LIPI: variants seen among roughly 807,000 people sequenced by gnomAD.
LIPI encodes the protein lipase I, also known as lipase member I.
Under a neutral mutation model 50.6 loss-of-function variants are expected in LIPI, and 59 were observed. The observed-to-expected ratio is 1.16, with a 90% CI of 0.94 to 1.45. The LOEUF is 1.45. Ranked by LOEUF, LIPI falls within the 40% of genes most tolerant of loss-of-function variation. LIPI has a pLI of 0.00. For missense variants in LIPI, 586 were observed against 536.3 expected, an observed-to-expected ratio of 1.09 and a Z score of -0.92; for synonymous variants, 203 against 178.2, an observed-to-expected ratio of 1.14 and a Z score of -1.11.
At chr21:14,206,786 A>G (rs540346397) in intron 1 of LIPI, 11 of 1,306,206 alleles carry the variant, frequency 8.4e-6, no homozygotes, top group African/African-American at 2.9e-5. Context: ...CATTTTATAT[A>G]TGAAGAAAGT....
At chr21:14,138,372 G>A (rs2017584984) in intron 9 of LIPI, among the ~76,000 whole-genome samples, 1 of 152,054 alleles carries the variant, frequency 6.6e-6, no homozygotes, top group Admixed American at 6.6e-5. Context: ...GTTCTTCAGT[G>A]AATAAGTGCT....
At chr21:14,176,788 C>T (rs1039752766) in intron 4 of LIPI, among the ~76,000 whole-genome samples, 5 of 135,992 alleles carry the variant, frequency 3.7e-5, no homozygotes, top group Admixed American at 7.4e-5. Context: ...TTTATTTATT[C>T]TTTTATTATT....
intron 1 of LIPI, among the ~76,000 whole-genome samples, chr21:14,202,881 T>C (rs1443805721): frequency 6.6e-6 from 1 of 151,784 alleles, no homozygotes; most frequent in African/African-American, 2.4e-5. Context: ...AAAACTACCA[T>C]CAGAGTGAAC....
chr21:14,163,027 T>A (rs1194834789), intron 7 of LIPI, among the ~76,000 whole-genome samples: 3 of 151,504 alleles, frequency 2.0e-5, no homozygotes, highest in Non-Finnish European at 4.4e-5. Flanking sequence ...GGATTACTAC[T>A]TTCTTGTCCT....
intron 9 of LIPI, among the ~76,000 whole-genome samples, chr21:14,124,170 A>G (rs2016965702): frequency 6.6e-6 from 1 of 152,098 alleles, no homozygotes; most frequent in African/African-American, 2.4e-5. Flanking sequence ...GCAATAGTGG[A>G]CCGAAAAACT....
rs776684144 is a variant in LIPI, at chr21:14,165,298, G to A, written c.826C>T (p.Arg276Cys). The A allele has an allele frequency of 4.8e-5, 78 of 1,611,408 alleles. No individual in the cohort carries two copies. In the Admixed American group the frequency reaches 1.0e-3, roughly 21 times the overall value. ...CTAGTCTTGTAATCTTTGTATGAACGACAAGGAAATGAAATAAAATTGCAG... is the reference window on the plus strand; with the variant it reads ...CTAGTCTTGTAATCTTTGTATGAACAACAAGGAAATGAAATAAAATTGCAG... ...TNCNFISFPCRSYKDYKTSLC... is the reference protein window; with the variant it reads ...TNCNFISFPCCSYKDYKTSLC... The change falls in exon 6 of 10, where the codon CGT becomes TGT. Residue 276 changes from arginine (R) to cysteine (C), a missense_variant. Physicochemically the swap from Arg to Cys is radical, Grantham distance 180 (BLOSUM62 -3). Transcript: ENST00000681601.
At chr21:14,205,147 T>TA (rs913446426) in intron 1 of LIPI, among the ~76,000 whole-genome samples, 38 of 151,772 alleles carry the variant, frequency 2.5e-4, no homozygotes, top group Admixed American at 1.8e-3. Context: ...TTAGTCTCCT[T>TA]AAAAAATCAA....
chr21:14,192,633 A>G (rs1439991729), intron 1 of LIPI, among the ~76,000 whole-genome samples: 3 of 152,232 alleles, frequency 2.0e-5, no homozygotes, highest in Non-Finnish European at 4.4e-5. Flanking sequence ...ACTTACAGAA[A>G]TCCCTGATGA....
At chr21:14,142,157 C>T (rs988914009) in intron 9 of LIPI, among the ~76,000 whole-genome samples, 2 of 151,938 alleles carry the variant, frequency 1.3e-5, no homozygotes, top group Non-Finnish European at 2.9e-5. Context: ...TTCAAAATAA[C>T]AGTCGGGGGT....
At chr21:14,171,619 G>A (rs2018910974) in intron 4 of LIPI, among the ~76,000 whole-genome samples, 2 of 150,612 alleles carry the variant, frequency 1.3e-5, no homozygotes, top group African/African-American at 2.4e-5. Context: ...ATGGGGAAAG[G>A]ATTCCCTATT....
At chr21:14,118,717 G>T (rs143584807) in intron 9 of LIPI, among the ~76,000 whole-genome samples, 252 of 152,286 alleles carry the variant, frequency 1.7e-3, no homozygotes, top group African/African-American at 5.9e-3. Context: ...CAGGAGTCTG[G>T]GCAGAGGACA....
At chr21:14,193,847 A>G (rs1025982382) in intron 1 of LIPI, among the ~76,000 whole-genome samples, 6 of 152,098 alleles carry the variant, frequency 3.9e-5, no homozygotes, top group African/African-American at 1.4e-4. Flanking sequence ...TAAAAAGGCA[A>G]CCCACTGAAT....
intron 9 of LIPI, among the ~76,000 whole-genome samples, chr21:14,111,374 C>T (rs573844948): frequency 1.3e-5 from 2 of 152,092 alleles, no homozygotes; most frequent in African/African-American, 2.4e-5. Context: ...ACCTGTTGGC[C>T]ACTTGTATGT....
intron 9 of LIPI, chr21:14,143,434 C>T (rs946976684): frequency 7.2e-5 from 11 of 152,150 alleles, no homozygotes; most frequent in African/African-American, 2.2e-4. Flanking sequence ...GACTTCCCAA[C>T]TCTCTTCTGT....
At chr21:14,162,885 T>C (rs2018543241) in intron 7 of LIPI, among the ~76,000 whole-genome samples, 1 of 151,842 alleles carries the variant, frequency 6.6e-6, no homozygotes, top group African/African-American at 2.4e-5. Context: ...CACTTCCAGT[T>C]TTTCATTTCC....
chr21:14,132,971 G>C (rs771154544), intron 9 of LIPI, among the ~76,000 whole-genome samples: 1 of 152,072 alleles, frequency 6.6e-6, no homozygotes, highest in Non-Finnish European at 1.5e-5. Flanking sequence ...CACCTCAACA[G>C]ACCAAAAATG....
At chr21:14,163,188 T>C (rs934953080) in intron 7 of LIPI, among the ~76,000 whole-genome samples, 19 of 151,892 alleles carry the variant, frequency 1.3e-4, no homozygotes, top group African/African-American at 4.6e-4. Context: ...GATGAAGGAA[T>C]GCAACCTTGA....
chr21:14,169,241 T>C (rs1249573558), intron 4 of LIPI, among the ~76,000 whole-genome samples: 1 of 152,076 alleles, frequency 6.6e-6, no homozygotes, highest in Admixed American at 6.5e-5. Context: ...CAAAGAGACT[T>C]AGACTCCCAC....
Position 14,199,388 on chromosome 21 carries a change from C to T in LIPI, c.47-9969G>A, listed in dbSNP as rs374961859. Among the ~76,000 whole-genome samples, 53 of 151,390 alleles carry T rather than the reference C, an allele frequency of 3.5e-4. No homozygotes were observed. In the East Asian group the frequency reaches 6.8e-3, roughly 19 times the overall value. ...AAGAAAAGGAGGAGAGTCAAATAAA[C>T]GGAATCAGTAACAAGGGTTATATTA... On this transcript the variant is annotated intron_variant, in intron 1 of 9. Transcript: ENST00000681601.
Sources: allele counts gnomAD v4.1 joint callset (sites outside exome capture counted in the v4.1 genomes callset), GRCh38; gene constraint gnomAD v4.1.1; transcripts MANE v1.5; gene names NCBI Gene and HGNC (gene_info 2026-07-23, HGNC 2026-07-21).